Variants in DLC1 observed in about 807,000 individuals in gnomAD.
DLC1 encodes DLC1 Rho GTPase activating protein, also known as rho GTPase-activating protein 7.
A neutral mutation model predicts 140.3 loss-of-function variants in DLC1; 54 were observed. The observed-to-expected ratio is 0.38, with a 90% CI of 0.31 to 0.48. DLC1 has a LOEUF of 0.48. Among genes scored for constraint, DLC1 ranks in the 20% least tolerant of loss-of-function variants. DLC1 has a pLI of 0.96. For synonymous variants in DLC1, 986 were observed against 728.1 expected, an observed-to-expected ratio of 1.35 and a Z score of -5.70; for missense variants, 2,536 against 1,907.0, an observed-to-expected ratio of 1.33 and a Z score of -6.14.
chr8:13,133,048 G>A (rs1822255538), intron 5 of DLC1: 2 of 1,570,594 alleles, frequency 1.3e-6, no homozygotes, highest in Admixed American at 1.9e-5. Context: ...CTCGGCTTCC[G>A]CGTCGGGACC....
intron 4 of DLC1, among the ~76,000 whole-genome samples, chr8:13,312,492 A>G (rs1337113979): frequency 1.3e-5 from 2 of 151,104 alleles, no homozygotes; most frequent in East Asian, 3.9e-4. Flanking sequence ...AATATTCTGT[A>G]TCTCTAAGAA....
chr8:13,436,507 G>C (rs888710644), intron 2 of DLC1, among the ~76,000 whole-genome samples: 2 of 152,102 alleles, frequency 1.3e-5, no homozygotes, highest in Non-Finnish European at 2.9e-5. Context: ...CTATAAAACA[G>C]GTTCTTAGAT....
At chr8:13,548,341 T>C (rs1389218749) in intron 1 of DLC1, among the ~76,000 whole-genome samples, 6 of 149,052 alleles carry the variant, frequency 4.0e-5, no homozygotes, top group African/African-American at 7.4e-5. Context: ...ATTTATCTTT[T>C]GGTTTATATC....
chr8:13,504,313 A>G (rs1461630657), intron 1 of DLC1, among the ~76,000 whole-genome samples: 4 of 151,984 alleles, frequency 2.6e-5, no homozygotes, highest in Admixed American at 1.3e-4. Flanking sequence ...TTTCCTAGAG[A>G]CAGTTTTCTT....
chr8:13,220,563 T>C (rs1280401304), intron 5 of DLC1, among the ~76,000 whole-genome samples: 2 of 152,212 alleles, frequency 1.3e-5, no homozygotes, highest in Non-Finnish European at 2.9e-5. Flanking sequence ...ATTCTTGATA[T>C]TATTATTAAA....
At chr8:13,224,115 T>C (rs1302175371) in intron 5 of DLC1, among the ~76,000 whole-genome samples, 1 of 152,218 alleles carries the variant, frequency 6.6e-6, no homozygotes, top group Non-Finnish European at 1.5e-5. Flanking sequence ...ACATCTGGGA[T>C]CGTTCTTTGT....
At chr8:13,480,214 T>C (rs909861130) in intron 2 of DLC1, among the ~76,000 whole-genome samples, 2 of 152,172 alleles carry the variant, frequency 1.3e-5, no homozygotes, top group African/African-American at 4.8e-5. Flanking sequence ...TTAAATATGT[T>C]TGATTATTGG....
chr8:13,540,119 A>G (rs187462781), intron 1 of DLC1, among the ~76,000 whole-genome samples: 13 of 152,292 alleles, frequency 8.5e-5, no homozygotes, highest in Non-Finnish European at 1.9e-4. Context: ...ATGTGCTGAT[A>G]CTCTATCAGT....
chr8:13,125,923 C>G (rs1821520133), intron 5 of DLC1, among the ~76,000 whole-genome samples: 1 of 152,048 alleles, frequency 6.6e-6, no homozygotes, highest in African/African-American at 2.4e-5. Context: ...GCCCTGCAAG[C>G]CTATACCTGG....
rs534821279 is a variant in DLC1 at position 13,200,556 on chromosome 8, G to A, written c.1349-84899C>T. Among the ~76,000 whole-genome samples the A allele has an allele frequency of 5.3e-5, 8 of 152,068 alleles. No individual in the cohort carries two copies. The South Asian group carries it at 6.2e-4, about 12-fold the overall frequency. On this transcript the variant is annotated intron_variant, in intron 5 of 17. Transcript: ENST00000276297. ...CTTTCCTAAATAGAACTTTGTACAC[G>A]ATCACTGTCTACGAGACTGATTACA... is the stretch of plus-strand genomic sequence containing the variant.
intron 1 of DLC1, among the ~76,000 whole-genome samples, chr8:13,506,174 T>C (rs1277080888): frequency 6.6e-6 from 1 of 152,128 alleles, no homozygotes; most frequent in African/African-American, 2.4e-5. Flanking sequence ...TACACACACA[T>C]ATATACACAT....
At chr8:13,377,105 T>A (rs1836029436) in intron 4 of DLC1, among the ~76,000 whole-genome samples, 1 of 152,182 alleles carries the variant, frequency 6.6e-6, no homozygotes, top group African/African-American at 2.4e-5. Flanking sequence ...ACAGTGTGTT[T>A]CAGTGACGAT....
chr8:13,327,640 T>A (rs1052649701), intron 4 of DLC1, among the ~76,000 whole-genome samples: 1 of 152,016 alleles, frequency 6.6e-6, no homozygotes, highest in Admixed American at 6.6e-5. Flanking sequence ...CTGTTTCCTA[T>A]ATCCACTGCA....
At chr8:13,594,339 C>G (rs1805617996) in intron 1 of DLC1, among the ~76,000 whole-genome samples, 1 of 152,052 alleles carries the variant, frequency 6.6e-6, no homozygotes, top group African/African-American at 2.4e-5. Context: ...CTACTTCGCT[C>G]TGTATCAGTT....
intron 1 of DLC1, among the ~76,000 whole-genome samples, chr8:13,546,594 G>A (rs1006305683): frequency 1.1e-4 from 17 of 152,002 alleles, no homozygotes; most frequent in Admixed American, 3.3e-4. Flanking sequence ...ATTCTGCTTC[G>A]CATTGAAGTT....
chr8:13,304,969 C>T (rs1832358182), intron 5 of DLC1: 19 of 1,047,234 alleles, frequency 1.8e-5, no homozygotes, highest in Non-Finnish European at 2.2e-5. Context: ...CAAATTCATT[C>T]CCCAGAACCT....
chr8:13,586,131 A>C (rs748343140), intron 1 of DLC1, among the ~76,000 whole-genome samples: 3 of 152,108 alleles, frequency 2.0e-5, no homozygotes, highest in Non-Finnish European at 4.4e-5. Flanking sequence ...TTGTCCTAGG[A>C]TAGAGATCTT....
intron 4 of DLC1, among the ~76,000 whole-genome samples, chr8:13,354,298 T>A (rs1834819311): frequency 6.6e-6 from 1 of 152,170 alleles, no homozygotes; most frequent in African/African-American, 2.4e-5. Flanking sequence ...TGGCCTGTAA[T>A]ATACTTTATT....
At chr8:13,366,016 A>C (rs1835461701) in intron 4 of DLC1, among the ~76,000 whole-genome samples, 1 of 152,170 alleles carries the variant, frequency 6.6e-6, no homozygotes, top group Non-Finnish European at 1.5e-5. Context: ...GAAGTGGGAA[A>C]AGTGATCCTT....
Sources: allele counts gnomAD v4.1 joint callset (sites outside exome capture counted in the v4.1 genomes callset), GRCh38; gene constraint gnomAD v4.1.1; transcripts MANE v1.5; gene names NCBI Gene and HGNC (gene_info 2026-07-23, HGNC 2026-07-21).